The following ANKRD33B variants were observed in gnomAD, a reference collection of about 807,000 sequenced individuals.
ANKRD33B encodes ankyrin repeat domain-containing protein 33B.
In ANKRD33B, 6 loss-of-function variants were observed where a neutral mutation model predicts 21.5. That is an observed-to-expected ratio of 0.28 (90% CI 0.15 to 0.55). The LOEUF is 0.55. Ranked by LOEUF, ANKRD33B falls within the 20% of genes least tolerant of loss-of-function variation. ANKRD33B has a pLI of 0.94. For synonymous variants in ANKRD33B, 347 were observed against 342.4 expected (o/e 1.01, Z -0.15); for missense variants, 698 against 747.2 (o/e 0.93, Z 0.77).
chr5:10,639,182 C>T (rs1379052493), intron 3 of ANKRD33B, among the ~76,000 whole-genome samples: 1 of 38,720 alleles, frequency 2.6e-5, no homozygotes, highest in Non-Finnish European at 5.6e-5. Flanking sequence ...CGGCGTTGCG[C>T]GGCGATGTTA....
Position 10,650,228 on chromosome 5 carries a change from A to T in ANKRD33B, c.*115A>T, listed in dbSNP as rs1348693905. ...TCGCACCACTTCCGCTCCATGGACC[A>T]CGGGGCTGCGCGCATTTCCAGGCTG... On this transcript the variant is annotated 3_prime_UTR_variant, in exon 4 of 4. Transcript: ENST00000296657. The T allele has an allele frequency of 2.6e-6, 3 of 1,150,826 alleles. No homozygotes were observed. Among genetic ancestry groups the T allele is most frequent in the Non-Finnish European group, 1.1e-6 (1 of 875,428 alleles). 71.3% of individuals were successfully genotyped at this position (1,150,826 alleles called of 1,614,324 possible).
intron 1 of ANKRD33B, among the ~76,000 whole-genome samples, chr5:10,582,965 A>G (rs1735475448): frequency 6.7e-6 from 1 of 148,168 alleles, no homozygotes; most frequent in Non-Finnish European, 1.5e-5. Flanking sequence ...TTTGTCGCAC[A>G]TGGTTGGTGG....
At chr5:10,570,221 A>G (rs1262308720) in intron 1 of ANKRD33B, among the ~76,000 whole-genome samples, 2 of 152,162 alleles carry the variant, frequency 1.3e-5, no homozygotes, top group Non-Finnish European at 2.9e-5. Context: ...TGTGGCCACA[A>G]TCATGCTGCC....
intron 3 of ANKRD33B, among the ~76,000 whole-genome samples, chr5:10,642,388 C>T (rs1437576211): frequency 6.6e-6 from 1 of 152,214 alleles, no homozygotes; most frequent in Non-Finnish European, 1.5e-5. Flanking sequence ...CCATCACAGT[C>T]TAGAACAATC....
chr5:10,616,491 G>T (rs1397982631), intron 1 of ANKRD33B, among the ~76,000 whole-genome samples: 1 of 151,016 alleles, frequency 6.6e-6, no homozygotes, highest in East Asian at 2.0e-4. Flanking sequence ...TTGAACCCAG[G>T]AGGTGGAGGT....
In ANKRD33B at chr5:10,652,310, G is replaced by A. The variant is rs80094016; in HGVS notation, c.*2197G>A. 1,368 of 152,516 alleles carry A rather than the reference G, an allele frequency of 9.0e-3. 9 individuals carry two copies. The highest frequency in any genetic ancestry group is 0.014 in the Middle Eastern group (4 of 294). 9.4% of individuals were successfully genotyped at this position (152,516 alleles called of 1,614,324 possible). A position where few individuals can be genotyped will look rare whatever the true frequency, so the allele number is the denominator to read the frequency against. On this transcript the variant is annotated 3_prime_UTR_variant, in exon 4 of 4. Transcript: ENST00000296657. The surrounding 1 kb of genome is among the most constrained non-coding windows in gnomAD (Gnocchi z 4.1). ...AGCCCTGGGAGCGCCCTAAAGCTCC[G>A]CAGGTAACTGCACTGCAGCCCGCAT...
intron 1 of ANKRD33B, among the ~76,000 whole-genome samples, chr5:10,607,785 A>G (rs1736081281): frequency 6.6e-6 from 1 of 152,206 alleles, no homozygotes; most frequent in Non-Finnish European, 1.5e-5. Context: ...ACACTGGACG[A>G]TGAGCTTCCA....
At position 10,582,786 on chromosome 5, in the gene ANKRD33B, G is replaced by T. The variant is rs375826890; in HGVS notation, c.366+17953G>T. ...TGGACTTCCCGTGGGCTCCTTTGCC[G>T]CATGGCTTCCCCGACTTTGGACCCT... On this transcript the variant is annotated intron_variant, in intron 1 of 3. Transcript: ENST00000296657. 1.6e-4 allele frequency among the ~76,000 whole-genome samples: 24 copies of T among 152,254 alleles called. No individual in the cohort carries two copies. In the East Asian group the frequency reaches 4.4e-3, roughly 28 times the overall value.
At chr5:10,577,503 C>T (rs1333300053) in intron 1 of ANKRD33B, among the ~76,000 whole-genome samples, 1 of 152,214 alleles carries the variant, frequency 6.6e-6, no homozygotes, top group African/African-American at 2.4e-5. Context: ...GGGACTGATT[C>T]TGTCCGGTGT....
chr5:10,628,443 A>G (rs1052925931), intron 2 of ANKRD33B, among the ~76,000 whole-genome samples: 8 of 152,068 alleles, frequency 5.3e-5, no homozygotes, highest in African/African-American at 1.9e-4. Context: ...CGGCCTCCCA[A>G]AGTGCTGGGA....
At chr5:10,570,246 A>G (rs1232633899) in intron 1 of ANKRD33B, among the ~76,000 whole-genome samples, 1 of 152,230 alleles carries the variant, frequency 6.6e-6, no homozygotes, top group African/African-American at 2.4e-5. Context: ...AAATAGCTAC[A>G]AAACCTTACA....
chr5:10,564,705 C>T lies in ANKRD33B; in HGVS notation c.238C>T (p.Pro80Ser). Residue 80 changes from proline to serine, a missense_variant, in exon 1 of 4, where the codon CCG becomes TCG. Transcript: ENST00000296657. ...CGCGGAGAGCGTCCCGGAGGGCGTC[C>T]CGGAAAGCGTCCCGGAGACGGCGAC... ...ESAESVPEGV[P>S]ESVPETATLL... The T allele has an allele frequency of 6.5e-7, 1 of 1,533,692 alleles. No individual in the cohort carries two copies. Among genetic ancestry groups the T allele is most frequent in the Non-Finnish European group, 8.7e-7 (1 of 1,145,804 alleles).
intron 1 of ANKRD33B, among the ~76,000 whole-genome samples, chr5:10,612,952 T>C (rs145499348): frequency 2.0e-5 from 3 of 152,366 alleles, no homozygotes; most frequent in African/African-American, 4.8e-5. Flanking sequence ...GGTGTTATTA[T>C]GGGGTTTTAT....
At chr5:10,636,448 CA>C (rs962667924) in intron 2 of ANKRD33B, among the ~76,000 whole-genome samples, 15 of 125,374 alleles carry the variant, frequency 1.2e-4, no homozygotes, top group African/African-American at 4.0e-4. Context: ...CCCATCTCTA[CA>C]AAAAAAAATT....
At position 10,574,417 on chromosome 5, in the gene ANKRD33B, C is replaced by G. The variant is rs180993003; in HGVS notation, c.366+9584C>G. On this transcript the variant is annotated intron_variant, in intron 1 of 3. Transcript: ENST00000296657. ...TTTGGTTAATTTTTTTTTTCTAGAT[C>G]TAACACAATTCTAAATAACTCCTAG... Among the ~76,000 whole-genome samples, 133 of 151,818 alleles carry G rather than the reference C, an allele frequency of 8.8e-4. 2 individuals are homozygous for G. The highest frequency in any genetic ancestry group is 3.1e-3 in the African/African-American group (128 of 41,392).
chr5:10,649,961 G>T lies in ANKRD33B; in HGVS notation c.1333G>T (p.Gly445Cys). Residue 445 changes from glycine to cysteine, a missense_variant, in exon 4 of 4, where the codon GGC (glycine) becomes TGC (cysteine). Physicochemically the swap from Gly to Cys is radical, Grantham distance 159 (BLOSUM62 -3). Coordinates refer to ENST00000296657, the MANE Select transcript of ANKRD33B (RefSeq NM_001164440.2). ...TFQPERPARK[G>C]STKDSGHLQI... Reference sequence around the variant, plus strand: ...CCAGCCCGAGCGGCCGGCGCGGAAGGGCAGCACCAAGGACAGCGGCCACCT... The same window carrying T: ...CCAGCCCGAGCGGCCGGCGCGGAAGTGCAGCACCAAGGACAGCGGCCACCT... 6.5e-7 allele frequency: 1 copy of T among 1,532,704 alleles called. No homozygotes were observed. The highest frequency in any genetic ancestry group is 8.7e-7 in the Non-Finnish European group (1 of 1,144,704). The allele number at this position is 1,532,704 out of a possible 1,614,324, so 94.9% of individuals were successfully genotyped here.
At chr5:10,625,539 C>G (rs533768372) in intron 2 of ANKRD33B, among the ~76,000 whole-genome samples, 3 of 152,240 alleles carry the variant, frequency 2.0e-5, no homozygotes, top group Admixed American at 6.5e-5. Flanking sequence ...GCCAGGCGCT[C>G]GTAGCCCTGC....
At chr5:10,584,850 G>C (rs1306291628) in intron 1 of ANKRD33B, among the ~76,000 whole-genome samples, 1 of 152,176 alleles carries the variant, frequency 6.6e-6, no homozygotes, top group African/African-American at 2.4e-5. Flanking sequence ...GCAGGGAAAG[G>C]GTTTTGCAGC....
rs79875833 is a variant in ANKRD33B at position 10,656,990 on chromosome 5, A to C, written c.*6877A>C. 16 of 151,596 alleles carry C rather than the reference A, an allele frequency of 1.1e-4. No individual in the cohort carries two copies. Among genetic ancestry groups the C allele is most frequent in the Admixed American group, 5.3e-4 (8 of 15,234 alleles). The allele number at this position is 151,596 out of a possible 1,614,324, so 9.4% of individuals were successfully genotyped here. On this transcript the variant is annotated 3_prime_UTR_variant, in exon 4 of 4. Coordinates refer to ENST00000296657, the MANE Select transcript of ANKRD33B (RefSeq NM_001164440.2). Reference sequence around the variant, plus strand: ...TTGTTTTTAAATAAGAAAAAAAAAAACCCCACGAAACTTTCCATCAAAGCA... The same window carrying C: ...TTGTTTTTAAATAAGAAAAAAAAAACCCCCACGAAACTTTCCATCAAAGCA...
Sources: allele counts gnomAD v4.1 joint callset (sites outside exome capture counted in the v4.1 genomes callset), GRCh38; gene constraint gnomAD v4.1.1; non-coding constraint Gnocchi (gnomAD v3.1); transcripts MANE v1.5; gene names NCBI Gene and HGNC (gene_info 2026-07-23, HGNC 2026-07-21).